The following EIF4E3 variants were observed in gnomAD, a reference collection of about 807,000 sequenced individuals.
EIF4E3 encodes the protein eukaryotic translation initiation factor 4E type 3.
Under a neutral mutation model 31.7 loss-of-function variants are expected in EIF4E3, and 26 were observed. That is an observed-to-expected ratio of 0.82 (90% confidence interval 0.60 to 1.14). The LOEUF (loss-of-function observed/expected upper bound fraction) is 1.14, where lower values mean the gene tolerates loss of function less well. Among genes scored for constraint, EIF4E3 ranks in the 50% most tolerant of loss-of-function variants. The pLI is 0.00. For missense variants in EIF4E3, 304 were observed against 270.9 expected (o/e 1.12, Z -0.86); for synonymous variants, 128 against 107.7 (o/e 1.19, Z -1.17).
the EIF4E3 span, among the ~76,000 whole-genome samples, chr3:71,667,836 A>AT: frequency 1.3e-5 from 2 of 152,236 alleles, no homozygotes; most frequent in Non-Finnish European, 2.9e-5. Context: ...GCCCAAAGTA[A>AT]TTTATAGATT....
chr3:71,753,942 G>T, upstream of EIF4E3: 1 of 1,015,414 alleles, frequency 9.8e-7, no homozygotes, highest in South Asian at 4.5e-5. Context: ...GCAGGACGGG[G>T]AGCTCGCCCA....
In EIF4E3 at chr3:71,725,157, C is replaced by G. The variant is rs538718516; in HGVS notation, c.176+35G>C. The G allele has an allele frequency of 4.4e-4, 464 of 1,062,170 alleles. 2 individuals carry two copies. In the African/African-American group the frequency reaches 7.4e-3, roughly 17 times the overall value. 65.8% of individuals were successfully genotyped at this position (1,062,170 alleles called of 1,614,324 possible). A position where few individuals can be genotyped will look rare whatever the true frequency, so the allele number is the denominator to read the frequency against. On this transcript the variant is annotated intron_variant, in intron 1 of 6. Transcript: ENST00000425534. This position sits in a 1 kb window ranked among gnomAD's most constrained non-coding sequence, Gnocchi z 6.1. ...GCGGCGGTGGCGGCAGGACCCGGGTCGGGGCCGTGCGCGGCGGGCCCCGCG... is the reference window on the plus strand; with the variant it reads ...GCGGCGGTGGCGGCAGGACCCGGGTGGGGGCCGTGCGCGGCGGGCCCCGCG...
At chr3:71,671,372 C>T (rs952489288), downstream of EIF4E3, among the ~76,000 whole-genome samples, 2 of 152,102 alleles carry the variant, frequency 1.3e-5, no homozygotes, top group East Asian at 3.9e-4. Flanking sequence ...CGGCTTGGAG[C>T]ACCCGTGTCG....
intron 1 of EIF4E3, among the ~76,000 whole-genome samples, chr3:71,738,246 A>AG (rs2049783429): frequency 6.6e-6 from 1 of 152,232 alleles, no homozygotes; most frequent in Admixed American, 6.5e-5. Flanking sequence ...CAGAAAACTA[A>AG]CTATGCCAGC....
chr3:71,750,795 G>A (rs1025901273), intron 1 of EIF4E3, among the ~76,000 whole-genome samples: 7 of 147,792 alleles, frequency 4.7e-5, no homozygotes, highest in East Asian at 2.0e-4. Context: ...ACGGAGTCTC[G>A]CTCTGTTGCC....
At chr3:71,709,719 T>C (rs60690351) in intron 2 of EIF4E3, among the ~76,000 whole-genome samples, 11,083 of 152,142 alleles carry the variant, frequency 0.073, 515 homozygotes, top group Non-Finnish European at 0.099. Flanking sequence ...AACTCCACCA[T>C]CAGAGTTAGA....
intron 1 of EIF4E3, among the ~76,000 whole-genome samples, chr3:71,752,299 T>C (rs545249420): frequency 1.4e-4 from 22 of 152,346 alleles, no homozygotes; most frequent in Middle Eastern, 6.8e-3. Flanking sequence ...TTTGAGGCTC[T>C]GGACTAGGTT....
In EIF4E3 at chr3:71,714,285, GGAAGGAAGGAAGGAAGGAAC is replaced by G. The variant is rs1559602557; in HGVS notation, c.177-3821_177-3802del. Among the ~76,000 whole-genome samples the G allele has an allele frequency of 1.9e-3, 242 of 127,622 alleles. 1 individual carries two copies. Among genetic ancestry groups the G allele is most frequent in the South Asian group, 0.011 (43 of 4,092 alleles). 83.7% of individuals were successfully genotyped at this position (127,622 alleles called of 152,430 possible). A position where few individuals can be genotyped will look rare whatever the true frequency, so the allele number is the denominator to read the frequency against. ...AGGAAGGAAGGAAAGAAGGAAGGAA[GGAAGGAAGGAAGGAAGGAAC>G]GAAAGAAAGGAAAGGAAAGAAAGAA... On this transcript the variant is annotated intron_variant, in intron 1 of 6. Coordinates refer to ENST00000425534, the MANE Select transcript of EIF4E3 (RefSeq NM_001134651.2).
chr3:71,685,438 C>A (rs986744374), intron 6 of EIF4E3, among the ~76,000 whole-genome samples: 1 of 152,208 alleles, frequency 6.6e-6, no homozygotes, highest in African/African-American at 2.4e-5. Flanking sequence ...TGGCTCACTG[C>A]AACCTCCTCT....
intron 4 of EIF4E3, among the ~76,000 whole-genome samples, chr3:71,694,240 T>C (rs796628920): frequency 3.3e-5 from 5 of 152,358 alleles, no homozygotes; most frequent in African/African-American, 1.2e-4. Context: ...TGCATTCAAA[T>C]GACTTAAAAC....
At position 71,680,085 on chromosome 3, in the gene EIF4E3, G is replaced by A. The variant is rs2048905738; in HGVS notation, c.*4597C>T. The A allele has an allele frequency of 6.6e-6, 1 of 152,162 alleles. No individual in the cohort carries two copies. The highest frequency in any genetic ancestry group is 1.5e-5 in the Non-Finnish European group (1 of 68,028). 9.4% of individuals were successfully genotyped at this position (152,162 alleles called of 1,614,324 possible). On this transcript the variant is annotated 3_prime_UTR_variant, in exon 7 of 7. Transcript: ENST00000425534. ...TGACTGCTGTGGTCCCAGCCATAAA[G>A]TTCTTATTCACGAGCATCATCTACT...
At chr3:71,660,536 T>A in the EIF4E3 span, among the ~76,000 whole-genome samples, 1 of 152,248 alleles carries the variant, frequency 6.6e-6, no homozygotes, top group Admixed American at 6.5e-5. Flanking sequence ...AGACCAGATG[T>A]TAGCAGCCGA....
intron 1 of EIF4E3, among the ~76,000 whole-genome samples, chr3:71,724,695 C>A (rs560855572): frequency 6.6e-6 from 1 of 152,316 alleles, no homozygotes; most frequent in South Asian, 2.1e-4. Flanking sequence ...CGGCCGGACA[C>A]GGGGTGGGAG....
Position 71,676,803 on chromosome 3 carries a change from T to G in EIF4E3, c.*7879A>C, listed in dbSNP as rs1040771889. ...GTCCTTTATAACTTGACTATCTTCA[T>G]GAAACACTAATTATTTTCGCCTTAA... On this transcript the variant is annotated 3_prime_UTR_variant, in exon 7 of 7. Coordinates refer to ENST00000425534, the MANE Select transcript of EIF4E3 (RefSeq NM_001134651.2). The G allele has an allele frequency of 5.9e-5, 9 of 152,114 alleles. No individual in the cohort carries two copies. Among genetic ancestry groups the G allele is most frequent in the African/African-American group, 2.2e-4 (9 of 41,436 alleles). The allele number at this position is 152,114 out of a possible 1,614,324, so 9.4% of individuals were successfully genotyped here. A position where few individuals can be genotyped will look rare whatever the true frequency, so the allele number is the denominator to read the frequency against.
intron 1 of EIF4E3, among the ~76,000 whole-genome samples, chr3:71,714,264 AGG>A (rs1491514013): frequency 3.7e-4 from 44 of 118,132 alleles, no homozygotes; most frequent in African/African-American, 1.1e-3. Context: ...GAAGGAAGGA[AGG>A]AAGGAAAGAA....
At chr3:71,737,809 A>T (rs2049779080) in intron 1 of EIF4E3, among the ~76,000 whole-genome samples, 1 of 152,098 alleles carries the variant, frequency 6.6e-6, no homozygotes, top group Admixed American at 6.6e-5. Flanking sequence ...CAACAACAAC[A>T]GAGATTTTTT....
intron 4 of EIF4E3, 27 bp from the exon 5 acceptor site, chr3:71,693,968 A>G (rs751905231): frequency 1.3e-6 from 2 of 1,530,876 alleles, no homozygotes; most frequent in African/African-American, 2.8e-5. Flanking sequence ...ATAAAAAACA[A>G]AACAAACAAA....
chr3:71,705,544 T>C (rs958966698), intron 2 of EIF4E3, among the ~76,000 whole-genome samples: 1 of 152,218 alleles, frequency 6.6e-6, no homozygotes, highest in African/African-American at 2.4e-5. Flanking sequence ...AGTCAAGTTA[T>C]AAGAAATACT....
At chr3:71,716,627 T>C (rs2049470755) in intron 1 of EIF4E3, among the ~76,000 whole-genome samples, 1 of 152,196 alleles carries the variant, frequency 6.6e-6, no homozygotes, top group African/African-American at 2.4e-5. Context: ...TCTCCTTTTA[T>C]CCTGATTAAA....
Sources: gnomAD v4.1 joint callset for allele counts (sites outside exome capture counted in the v4.1 genomes callset) on GRCh38, gnomAD v4.1.1 for gene constraint, Gnocchi (gnomAD v3.1) non-coding constraint, MANE v1.5 for transcripts, NCBI Gene and HGNC (gene_info 2026-07-23, HGNC 2026-07-21) for gene names.